ZNF449: variants seen among roughly 807,000 people sequenced by gnomAD.
ZNF449 encodes the protein zinc finger protein 449.
ZNF449 carries 4 observed loss-of-function variants against 32.6 expected under a neutral mutation model. That is an observed-to-expected ratio of 0.12 (90% CI 0.06 to 0.28). The LOEUF (loss-of-function observed/expected upper bound fraction) is 0.28, where lower values mean the gene tolerates loss of function less well. Among genes scored for constraint, ZNF449 ranks in the 10% least tolerant of loss-of-function variants. The probability of loss-of-function intolerance (pLI) is 1.00; values close to 1 mark genes in which losing one functional copy is unlikely to be tolerated. For missense variants in ZNF449, 275 were observed against 383.2 expected, an observed-to-expected ratio of 0.72 and a Z score of 2.36; for synonymous variants, 123 against 132.2, an observed-to-expected ratio of 0.93 and a Z score of 0.48.
At chrX:135,358,706 A>G (rs1021135200) in intron 3 of ZNF449, among the ~76,000 whole-genome samples, 7 of 112,066 alleles carry the variant, frequency 6.2e-5, no homozygotes, top group South Asian at 3.7e-4. Context: ...CATTTAGATT[A>G]TAAGTCAGTA....
At chrX:135,346,829 G>A (rs1556448464) in intron 1 of ZNF449, among the ~76,000 whole-genome samples, 190 bp from the exon 2 acceptor site, 2 of 112,333 alleles carry the variant, frequency 1.8e-5, no homozygotes, top group Non-Finnish European at 3.8e-5. Flanking sequence ...ATGTGTATGT[G>A]TATTTTTCTA....
chrX:135,346,839 A>G (rs1334434063), intron 1 of ZNF449, among the ~76,000 whole-genome samples, 180 bp from the exon 2 acceptor site: 1 of 112,439 alleles, frequency 8.9e-6, no homozygotes, highest in Non-Finnish European at 1.9e-5. Context: ...GTATTTTTCT[A>G]GGAAGTGAGT....
Position 135,361,280 on chromosome X carries a change from A to G in ZNF449, c.*204A>G, listed in dbSNP as rs1421955769. 2 of 317,833 alleles carry G rather than the reference A, an allele frequency of 6.3e-6. No homozygotes were observed. Among genetic ancestry groups the G allele is most frequent in the Admixed American group, 1.1e-4 (2 of 18,222 alleles). 26.2% of individuals were successfully genotyped at this position (317,833 alleles called of 1,213,427 possible). On this transcript the variant is annotated 3_prime_UTR_variant, in exon 5 of 5. Coordinates refer to ENST00000339249, the MANE Select transcript of ZNF449 (RefSeq NM_152695.6). ...TACTCCTGTGATTTTCTTAGATTTG[A>G]TTTCTTCTGTCTGCACAACTCTTCT...
chrX:135,351,708 T>TGCCTGGAACAAGTAGTAAAACTTA (rs1569497513), intron 3 of ZNF449, among the ~76,000 whole-genome samples: 1 of 104,997 alleles, frequency 9.5e-6, no homozygotes, highest in Non-Finnish European at 1.9e-5. Context: ...TATGTGTATA[T>TGCCTGGAACAAGTAGTAAAACTTA]GCCTGGAACA....
At chrX:135,353,001 A>G (rs1231220194) in intron 3 of ZNF449, among the ~76,000 whole-genome samples, 1 of 111,917 alleles carries the variant, frequency 8.9e-6, no homozygotes, top group East Asian at 2.8e-4. Context: ...AGTATTTATC[A>G]TGTTACTATT....
chrX:135,354,031 A>G (rs1556451068), intron 3 of ZNF449, among the ~76,000 whole-genome samples: 2 of 112,291 alleles, frequency 1.8e-5, no homozygotes, highest in African/African-American at 6.5e-5. Flanking sequence ...TTGACCCAGA[A>G]GCCATGGAGC....
intron 3 of ZNF449, among the ~76,000 whole-genome samples, chrX:135,356,211 ACT>A (rs1186787225): frequency 2.7e-5 from 3 of 111,746 alleles, no homozygotes; most frequent in Non-Finnish European, 3.8e-5. Flanking sequence ...TCATATGGTA[ACT>A]CTATGTTTAA....
rs2084949955 is a variant in ZNF449 at position 135,362,071 on chromosome X, A to C, written c.*995A>C. ...ATTCTGCAAATGTCTCTTGGAACAC[A>C]CTGCCTTAAACAGATATTTCTATAG... On this transcript the variant is annotated 3_prime_UTR_variant, in exon 5 of 5. Transcript: ENST00000339249. 1 of 111,736 alleles carries C rather than the reference A, an allele frequency of 8.9e-6. No homozygotes were observed. Among genetic ancestry groups the C allele is most frequent in the Admixed American group, 9.5e-5 (1 of 10,498 alleles). 9.2% of individuals were successfully genotyped at this position (111,736 alleles called of 1,213,427 possible). A position where few individuals can be genotyped will look rare whatever the true frequency, so the allele number is the denominator to read the frequency against.
chrX:135,350,684 A>T (rs2084881222), intron 3 of ZNF449, among the ~76,000 whole-genome samples: 1 of 112,039 alleles, frequency 8.9e-6, no homozygotes, highest in Non-Finnish European at 1.9e-5. Flanking sequence ...TGGAGATTAC[A>T]GTTCAGTGGA....
intron 1 of ZNF449, among the ~76,000 whole-genome samples, chrX:135,345,852 G>A (rs782618018): frequency 2.7e-5 from 3 of 111,544 alleles, no homozygotes; most frequent in African/African-American, 9.8e-5. Flanking sequence ...CAGAGAGAGA[G>A]GACCCAAGGC....
chrX:135,357,177 T>C (rs993523537), intron 3 of ZNF449, among the ~76,000 whole-genome samples: 4 of 112,022 alleles, frequency 3.6e-5, no homozygotes, highest in African/African-American at 1.3e-4. Context: ...TTTTGTTGTT[T>C]GTGCTTTTGA....
At chrX:135,358,109 C>G (rs2084927538) in intron 3 of ZNF449, among the ~76,000 whole-genome samples, 1 of 110,865 alleles carries the variant, frequency 9.0e-6, no homozygotes, top group Non-Finnish European at 1.9e-5. Flanking sequence ...ATTTTACTTA[C>G]TTTAATAATT....
In ZNF449 at chrX:135,361,685, A is replaced by G. The variant is rs1025217662; in HGVS notation, c.*609A>G. On this transcript the variant is annotated 3_prime_UTR_variant, in exon 5 of 5. Transcript: ENST00000339249. The stretch of plus-strand genomic sequence containing the variant: ...GCTTGAAATTATACAAGCAGAATCT[A>G]ATTTAATTTTGATTGACTGAAGAAC... The G allele has an allele frequency of 1.7e-4, 19 of 111,686 alleles. No individual in the cohort carries two copies. The highest frequency in any genetic ancestry group is 6.2e-4 in the African/African-American group (19 of 30,728). The allele number at this position is 111,686 out of a possible 1,213,427, so 9.2% of individuals were successfully genotyped here.
Position 135,349,227 on chromosome X carries a change from C to T in ZNF449, c.472C>T (p.Pro158Ser), listed in dbSNP as rs782513318. Residue 158 changes from proline to serine, a missense_variant, in exon 3 of 5, where the codon CCA becomes TCA. Pro to Ser is a moderately conservative substitution (Grantham distance 74). Coordinates refer to ENST00000339249, the MANE Select transcript of ZNF449 (RefSeq NM_152695.6). ...GGTAATGGGACCTGCCCAGGAGGCC[C>T]CAGTAGCAGAGGCATGGATCCCACA... Reference protein sequence around the residue: ...LQVMGPAQEAPVAEAWIPQAG... With the variant: ...LQVMGPAQEASVAEAWIPQAG... 3 of 1,211,747 alleles carry T rather than the reference C, an allele frequency of 2.5e-6. No homozygotes were observed. The highest frequency in any genetic ancestry group is 3.4e-6 in the Non-Finnish European group (3 of 895,459).
chrX:135,348,702 C>G, intron 2 of ZNF449: 2 of 968,332 alleles, frequency 2.1e-6, no homozygotes, highest in Non-Finnish European at 2.7e-6. Context: ...CTTCCTTTCT[C>G]TGTCTCCTTG....
In ZNF449 at chrX:135,361,199, T is replaced by C; in HGVS notation, c.*123T>C. On this transcript the variant is annotated 3_prime_UTR_variant, in exon 5 of 5. Coordinates refer to ENST00000339249, the MANE Select transcript of ZNF449 (RefSeq NM_152695.6). ...CTTATAAGAACATAGACAGCTTTTTTTTTTACTAGTTTTAAAACCCATCTT... is the reference window on the plus strand; with the variant it reads ...CTTATAAGAACATAGACAGCTTTTTCTTTTACTAGTTTTAAAACCCATCTT... The C allele has an allele frequency of 1.8e-6, 1 of 553,075 alleles. No homozygotes were observed. Among genetic ancestry groups the C allele is most frequent in the Admixed American group, 4.1e-5 (1 of 24,505 alleles). 45.6% of individuals were successfully genotyped at this position (553,075 alleles called of 1,213,427 possible).
chrX:135,348,622 C>A, intron 2 of ZNF449: 1 of 531,170 alleles, frequency 1.9e-6, no homozygotes, highest in South Asian at 4.0e-5. Flanking sequence ...GAGCTGTTAG[C>A]TTCAGGGCTC....
chrX:135,352,645 GA>G (rs1181831393), intron 3 of ZNF449, among the ~76,000 whole-genome samples: 1 of 112,128 alleles, frequency 8.9e-6, no homozygotes, highest in Non-Finnish European at 1.9e-5. Context: ...AAGAATATGA[GA>G]GATGAAAATT....
At position 135,360,407 on chromosome X, in the gene ZNF449, A is replaced by G. The variant is rs1556453270; in HGVS notation, c.888A>G (p.Gly296=). The G allele has an allele frequency of 1.7e-6, 2 of 1,211,285 alleles. No individual in the cohort carries two copies. The highest frequency in any genetic ancestry group is 3.0e-5 in the East Asian group (1 of 33,836). Residue 296 remains glycine (G), a synonymous_variant, in exon 5 of 5, where the codon GGA becomes GGG. Transcript: ENST00000339249. ...KLVDQQNPTL[G]ETPENSNLEE... ...TAGATCAGCAGAACCCCACTCTGGG[A>G]GAGACACCTGAGAACTCCAACTTGG...
Sources: allele counts gnomAD v4.1 joint callset (sites outside exome capture counted in the v4.1 genomes callset), GRCh38; gene constraint gnomAD v4.1.1; transcripts MANE v1.5; gene names NCBI Gene and HGNC (gene_info 2026-07-23, HGNC 2026-07-21).